The following SLC25A36 variants were observed in gnomAD, a reference collection of about 807,000 sequenced individuals.
SLC25A36 encodes the protein epididymis secretory sperm binding protein.
SLC25A36 carries 24 observed loss-of-function variants against 35.3 expected under a neutral mutation model. That is an observed-to-expected ratio of 0.68 (90% CI 0.49 to 0.96). The LOEUF is 0.96. Among genes scored for constraint, SLC25A36 ranks in the 40% least tolerant of loss-of-function variants. SLC25A36 has a pLI of 0.00. For synonymous variants in SLC25A36, 141 were observed against 132.2 expected (o/e 1.07, Z -0.46); for missense variants, 294 against 381.1 (o/e 0.77, Z 1.90).
At chr3:140,949,358 A>G (rs901096020) in intron 1 of SLC25A36, among the ~76,000 whole-genome samples, 1 of 152,242 alleles carries the variant, frequency 6.6e-6, no homozygotes, top group African/African-American at 2.4e-5. Context: ...AATTACCGAG[A>G]TGACTTGATA....
At chr3:140,945,449 C>A (rs1324253783) in intron 1 of SLC25A36, among the ~76,000 whole-genome samples, 1 of 152,144 alleles carries the variant, frequency 6.6e-6, no homozygotes, top group East Asian at 1.9e-4. Context: ...GGAGAATATT[C>A]TCAAATCATT....
In SLC25A36 at chr3:140,976,963, T is replaced by C. The variant is rs1273020784; in HGVS notation, c.*510T>C. ...AATTTAATTATTTGGCAGTAGTCAC[T>C]GTTTTTGACAACCAATGAAATAGCG... On this transcript the variant is annotated 3_prime_UTR_variant, in exon 7 of 7. Coordinates refer to ENST00000324194, the MANE Select transcript of SLC25A36 (RefSeq NM_001104647.3). 6.6e-6 allele frequency: 1 copy of C among 152,304 alleles called. No individual in the cohort carries two copies. The highest frequency in any genetic ancestry group is 1.5e-5 in the Non-Finnish European group (1 of 68,076). 9.4% of individuals were successfully genotyped at this position (152,304 alleles called of 1,614,324 possible). A position where few individuals can be genotyped will look rare whatever the true frequency, so the allele number is the denominator to read the frequency against.
In SLC25A36 at chr3:140,941,849, G is replaced by A. The variant is rs900059943; in HGVS notation, c.-206G>A. ...TGCGTCGCTTTCAGCCTCTGGTGAA[G>A]GGCGGCGCGCTTAGGCAGGCGGTGG... On this transcript the variant is annotated 5_prime_UTR_variant, in exon 1 of 7. Coordinates refer to ENST00000324194, the MANE Select transcript of SLC25A36 (RefSeq NM_001104647.3). 9.8e-6 allele frequency: 5 copies of A among 511,164 alleles called. No individual in the cohort carries two copies. Among genetic ancestry groups the A allele is most frequent in the Non-Finnish European group, 3.5e-6 (1 of 286,134 alleles). The allele number at this position is 511,164 out of a possible 1,614,324, so 31.7% of individuals were successfully genotyped here. A position where few individuals can be genotyped will look rare whatever the true frequency, so the allele number is the denominator to read the frequency against.
intron 2 of SLC25A36, among the ~76,000 whole-genome samples, chr3:140,957,698 G>A (rs1045221180): frequency 4.6e-5 from 7 of 152,078 alleles, no homozygotes; most frequent in African/African-American, 7.2e-5. Flanking sequence ...CCGAGATTGC[G>A]CCACTGTATT....
At chr3:140,961,855 CAAAAAAAAAAAAAA>C (rs553759457) in intron 3 of SLC25A36, among the ~76,000 whole-genome samples, 2,277 of 35,866 alleles carry the variant, frequency 0.063, 55 homozygotes, top group Admixed American at 0.12. Flanking sequence ...GGCTCCGTCT[CAAAAAAAAAAAAAA>C]AAAAAAAAAA....
chr3:140,977,553 CAAG>C lies in SLC25A36; in HGVS notation c.*1103_*1105del, dbSNP rs1242225049. ...GTGTAAATGAACAAACTGCTTTTGA[CAAG>C]AAATTTATTCTGTCCTAGTTTCCTG... On this transcript the variant is annotated 3_prime_UTR_variant, in exon 7 of 7. Transcript: ENST00000324194. The C allele has an allele frequency of 1.3e-5, 2 of 152,108 alleles. No individual in the cohort carries two copies. Among genetic ancestry groups the C allele is most frequent in the African/African-American group, 2.4e-5 (1 of 41,412 alleles). 9.4% of individuals were successfully genotyped at this position (152,108 alleles called of 1,614,324 possible). A position where few individuals can be genotyped will look rare whatever the true frequency, so the allele number is the denominator to read the frequency against.
intron 1 of SLC25A36, among the ~76,000 whole-genome samples, chr3:140,950,398 T>C (rs546884876): frequency 1.6e-4 from 24 of 152,310 alleles, no homozygotes; most frequent in African/African-American, 5.8e-4. Context: ...TTTGTCCCAC[T>C]GAATTCTGTC....
intron 5 of SLC25A36, among the ~76,000 whole-genome samples, chr3:140,971,425 TGACA>T (rs1327788854): frequency 2.0e-5 from 3 of 152,194 alleles, no homozygotes; most frequent in South Asian, 2.1e-4. Context: ...AACCCTAGGC[TGACA>T]GACAGTTCTC....
chr3:140,951,392 T>C (rs896365187), intron 1 of SLC25A36, among the ~76,000 whole-genome samples: 6 of 152,226 alleles, frequency 3.9e-5, no homozygotes, highest in Middle Eastern at 3.2e-3. Context: ...ACTACACATC[T>C]GTTGCATTCT....
At chr3:140,961,626 C>T (rs777363770) in intron 3 of SLC25A36, among the ~76,000 whole-genome samples, 36 of 151,846 alleles carry the variant, frequency 2.4e-4, no homozygotes, top group Admixed American at 1.7e-3. Flanking sequence ...GAGGCCAAGG[C>T]GGGTGGATCA....
intron 4 of SLC25A36, chr3:140,965,664 T>C (rs1934740635): frequency 6.6e-6 from 1 of 151,850 alleles, no homozygotes; most frequent in Admixed American, 6.6e-5. Flanking sequence ...TATAAGAATT[T>C]GTAAGCCTCT....
At position 140,970,855 on chromosome 3, in the gene SLC25A36, A is replaced by G. The variant is rs553290554; in HGVS notation, c.386-72A>G. The G allele has an allele frequency of 5.0e-5, 36 of 727,212 alleles. No homozygotes were observed. In the East Asian group the frequency reaches 6.0e-4, roughly 12 times the overall value. 45.0% of individuals were successfully genotyped at this position (727,212 alleles called of 1,614,324 possible). A position where few individuals can be genotyped will look rare whatever the true frequency, so the allele number is the denominator to read the frequency against. ...ATTTTCTTGAATGTAGATTTATCTA[A>G]TTTTTAAAACCTTAAAGTTAATAGT... On this transcript the variant is annotated intron_variant, in intron 4 of 6. Transcript: ENST00000324194.
At chr3:140,971,728 TAGAA>T (rs1189192899) in intron 5 of SLC25A36, among the ~76,000 whole-genome samples, 1 of 152,188 alleles carries the variant, frequency 6.6e-6, no homozygotes, top group Non-Finnish European at 1.5e-5. Flanking sequence ...CTACTGGCTT[TAGAA>T]TAGAGACTCT....
intron 4 of SLC25A36, among the ~76,000 whole-genome samples, chr3:140,969,992 C>T (rs1167797362): frequency 6.6e-6 from 1 of 151,866 alleles, no homozygotes; most frequent in African/African-American, 2.4e-5. Context: ...AATTAAAACC[C>T]TGTTTTGTGT....
chr3:140,980,687 T>G lies in SLC25A36; in HGVS notation c.*4234T>G. 1.1e-5 allele frequency among the ~76,000 whole-genome samples: 1 copy of G among 92,874 alleles called. No individual in the cohort carries two copies. Among genetic ancestry groups the G allele is most frequent in the African/African-American group, 4.3e-5 (1 of 23,484 alleles). 60.9% of individuals were successfully genotyped at this position (92,874 alleles called of 152,430 possible). A position where few individuals can be genotyped will look rare whatever the true frequency, so the allele number is the denominator to read the frequency against. ...AGGCAAGCAAAATGTAATTAAATGT[T>G]CCCCCTGCCCCCCCCCCCTTTTAAT... is the stretch of plus-strand genomic sequence containing the variant. On this transcript the variant is annotated 3_prime_UTR_variant, in exon 7 of 7. Transcript: ENST00000324194.
intron 2 of SLC25A36, among the ~76,000 whole-genome samples, chr3:140,957,343 C>T (rs1934504937): frequency 6.6e-6 from 1 of 152,132 alleles, no homozygotes; most frequent in Non-Finnish European, 1.5e-5. Context: ...CAAATAAACT[C>T]ATTCTGTGTA....
In SLC25A36 at chr3:140,978,129, G is replaced by C. The variant is rs140704493; in HGVS notation, c.*1676G>C. On this transcript the variant is annotated 3_prime_UTR_variant, in exon 7 of 7. Transcript: ENST00000324194. The stretch of plus-strand genomic sequence containing the variant: ...TCTCTGCTGTCACCAGTGAAACATA[G>C]TGCCCTGTTAAATTCCCCCACTTTA... The C allele has an allele frequency of 4.6e-5, 7 of 152,190 alleles. No individual in the cohort carries two copies. Among genetic ancestry groups the C allele is most frequent in the Non-Finnish European group, 7.4e-5 (5 of 68,020 alleles). The allele number at this position is 152,190 out of a possible 1,614,324, so 9.4% of individuals were successfully genotyped here.
rs575412417 is a variant in SLC25A36, at chr3:140,977,937, A to C, written c.*1484A>C. ...AGAATACCATGTTAAGATTAAAAAA[A>C]AAAACAAAAACATTGGTCACGTATT... On this transcript the variant is annotated 3_prime_UTR_variant, in exon 7 of 7. Transcript: ENST00000324194. 2 of 152,190 alleles carry C rather than the reference A, an allele frequency of 1.3e-5. No homozygotes were observed. Among genetic ancestry groups the C allele is most frequent in the East Asian group, 3.9e-4 (2 of 5,184 alleles). 9.4% of individuals were successfully genotyped at this position (152,190 alleles called of 1,614,324 possible). A position where few individuals can be genotyped will look rare whatever the true frequency, so the allele number is the denominator to read the frequency against.
At chr3:140,974,061 A>G in intron 6 of SLC25A36, 56 bp downstream of exon 6, 1 of 1,206,560 alleles carries the variant, frequency 8.3e-7, no homozygotes, top group Non-Finnish European at 1.2e-6. Flanking sequence ...CCAACAGCTC[A>G]CTTATTAAAG....
Sources: allele counts gnomAD v4.1 joint callset (sites outside exome capture counted in the v4.1 genomes callset), GRCh38; gene constraint gnomAD v4.1.1; transcripts MANE v1.5; gene names NCBI Gene and HGNC (gene_info 2026-07-23, HGNC 2026-07-21).